NRG1: variants seen among roughly 807,000 people sequenced by gnomAD.
The protein encoded by NRG1 is neuregulin 1, also known as pro-neuregulin-1, membrane-bound isoform.
In NRG1, 18 loss-of-function variants were observed where a neutral mutation model predicts 63.8. The observed-to-expected ratio is 0.28, with a 90% confidence interval of 0.19 to 0.42. The LOEUF (loss-of-function observed/expected upper bound fraction) is 0.42. Ranked by LOEUF, NRG1 falls within the 10% of genes least tolerant of loss-of-function variation. The pLI is 1.00. For missense variants in NRG1, 762 were observed against 814.7 expected (o/e 0.94, Z 0.79); for synonymous variants, 302 against 301.3 (o/e 1.00, Z -0.02).
intron 1 of NRG1, among the ~76,000 whole-genome samples, chr8:32,042,863 A>G (rs1420010134): frequency 6.6e-6 from 1 of 152,072 alleles, no homozygotes; most frequent in African/African-American, 2.4e-5. Flanking sequence ...GAGAAACATG[A>G]TTTCAAAAAA....
intron 1 of NRG1, among the ~76,000 whole-genome samples, chr8:32,251,801 C>T (rs1481961758): frequency 1.3e-5 from 2 of 152,050 alleles, no homozygotes; most frequent in Admixed American, 6.6e-5. Context: ...CTCTAATGAC[C>T]AGTGATGATG....
rs879571900 is a variant in NRG1 at position 31,825,387 on chromosome 8, C to CA, written c.37+185970dup. ...TGGGTGACAGAGGGAGACTCCATCT[C>CA]AAAAAAAAAAAAAAGTATTTTATAC... is the stretch of plus-strand genomic sequence containing the variant. On this transcript the variant is annotated intron_variant, in intron 1 of 10. Coordinates refer to the NRG1 transcript ENST00000519301. 4.7e-3 allele frequency among the ~76,000 whole-genome samples: 525 copies of CA among 111,004 alleles called. 1 individual carries two copies. The highest frequency in any genetic ancestry group is 0.023 in the Middle Eastern group (5 of 214). The allele number at this position is 111,004 out of a possible 152,430, so 72.8% of individuals were successfully genotyped here.
intron 1 of NRG1, among the ~76,000 whole-genome samples, chr8:32,411,096 G>A (rs1250999834): frequency 1.3e-5 from 2 of 151,958 alleles, no homozygotes; most frequent in African/African-American, 2.4e-5. Flanking sequence ...GGATGGTCTC[G>A]ATCTGGTGAC....
intron 1 of NRG1, among the ~76,000 whole-genome samples, chr8:32,236,843 A>C (rs1158898060): frequency 2.0e-5 from 3 of 152,158 alleles, no homozygotes; most frequent in Non-Finnish European, 1.5e-5. Context: ...TGGCAGTCAG[A>C]TGCAGCCCTG....
intron 1 of NRG1, among the ~76,000 whole-genome samples, chr8:32,136,923 G>A (rs890674107): frequency 3.7e-4 from 56 of 152,150 alleles, no homozygotes; most frequent in African/African-American, 1.3e-3. Context: ...AAGCACAGAC[G>A]ATCAACAACA....
chr8:31,826,565 T>C (rs2129604543), intron 1 of NRG1, among the ~76,000 whole-genome samples: 1 of 152,334 alleles, frequency 6.6e-6, no homozygotes, highest in Admixed American at 6.5e-5. Context: ...TTACCAAGTC[T>C]TGGGTATGTC....
chr8:32,575,354 T>C (rs914775841), intron 1 of NRG1, among the ~76,000 whole-genome samples: 2 of 152,098 alleles, frequency 1.3e-5, no homozygotes, highest in Non-Finnish European at 2.9e-5. Context: ...GGTTGCTTTA[T>C]AGTTGACTAA....
At chr8:32,131,241 C>T (rs1834781554) in intron 1 of NRG1, among the ~76,000 whole-genome samples, 1 of 151,850 alleles carries the variant, frequency 6.6e-6, no homozygotes, top group South Asian at 2.1e-4. Flanking sequence ...TATGAAAATG[C>T]AGTTATGCTC....
At position 31,738,738 on chromosome 8, in the gene NRG1, A is replaced by G. The variant is rs186895350; in HGVS notation, c.37+99307A>G. Among the ~76,000 whole-genome samples the G allele has an allele frequency of 8.6e-5, 13 of 151,974 alleles. No homozygotes were observed. In the East Asian group the frequency reaches 1.2e-3, roughly 14 times the overall value. On this transcript the variant is annotated intron_variant, in intron 1 of 10. Coordinates refer to the NRG1 transcript ENST00000519301. ...CCCTGTTTTCTGGCCATGTCTGTCA[A>G]TCCTTGGTGTTTGCTGGCTTGTAGC...
At chr8:32,289,978 T>A (rs975239703) in intron 1 of NRG1, among the ~76,000 whole-genome samples, 2 of 152,200 alleles carry the variant, frequency 1.3e-5, no homozygotes, top group African/African-American at 4.8e-5. Flanking sequence ...CAGTGGCTCA[T>A]GCCTGTAATC....
rs540930804 is a variant in NRG1, at chr8:31,662,084, C to T, written c.37+22653C>T. On this transcript the variant is annotated intron_variant, in intron 1 of 10. Coordinates refer to the NRG1 transcript ENST00000519301. ...AGGGAGAAGAAGGAACAAGACAATACCTTACTAGAGCAAAATGACTTCCCA... is the reference window on the plus strand; with the variant it reads ...AGGGAGAAGAAGGAACAAGACAATATCTTACTAGAGCAAAATGACTTCCCA... 2.0e-4 allele frequency among the ~76,000 whole-genome samples: 31 copies of T among 152,276 alleles called. No individual in the cohort carries two copies. The South Asian group carries it at 4.8e-3, about 23-fold the overall frequency.
intron 1 of NRG1, among the ~76,000 whole-genome samples, chr8:32,412,845 A>T (rs1815305067): frequency 6.6e-6 from 1 of 152,192 alleles, no homozygotes; most frequent in Non-Finnish European, 1.5e-5. Flanking sequence ...GTCAGTAACC[A>T]AAATGTCATT....
At chr8:32,765,988 A>G (rs564875882) in exon 12 of NRG1, 1 of 152,318 alleles carries the variant, frequency 6.6e-6, no homozygotes. Context: ...CTGTGAAATC[A>G]GGGCTGGAGC....
chr8:32,664,801 C>A (rs1309515395), intron 5 of NRG1, among the ~76,000 whole-genome samples: 1 of 152,112 alleles, frequency 6.6e-6, no homozygotes, highest in Non-Finnish European at 1.5e-5. Flanking sequence ...AGTAATTTAG[C>A]GGTTGTTAGA....
intron 1 of NRG1, among the ~76,000 whole-genome samples, chr8:32,357,835 A>G (rs1806655549): frequency 6.6e-6 from 1 of 152,210 alleles, no homozygotes; most frequent in East Asian, 1.9e-4. Context: ...TGGGGGATTC[A>G]AACAATTAAA....
intron 1 of NRG1, among the ~76,000 whole-genome samples, chr8:31,686,437 A>G (rs528594750): frequency 6.6e-6 from 1 of 152,324 alleles, no homozygotes; most frequent in Admixed American, 6.5e-5. Context: ...AGACATTTAC[A>G]AATAAATTAT....
At chr8:31,845,434 CT>C (rs949747101) in intron 1 of NRG1, among the ~76,000 whole-genome samples, 3 of 152,022 alleles carry the variant, frequency 2.0e-5, no homozygotes, top group African/African-American at 4.8e-5. Context: ...TATTACAGTT[CT>C]TTTTTTCATG....
rs371538282 is a variant in NRG1 at position 31,838,503 on chromosome 8, A to G, written c.37+199072A>G. The stretch of plus-strand genomic sequence containing the variant: ...AATTTCTGTTGGTATTTTTAGTAGG[A>G]TCATATTAAAGTTCAAGATTGATTT... On this transcript the variant is annotated intron_variant, in intron 1 of 10. Transcript: ENST00000519301. Among the ~76,000 whole-genome samples the G allele has an allele frequency of 3.9e-5, 6 of 152,204 alleles. No homozygotes were observed. In the East Asian group the frequency reaches 1.2e-3, roughly 29 times the overall value.
intron 1 of NRG1, among the ~76,000 whole-genome samples, chr8:32,535,515 G>GA (rs1255061658): frequency 1.3e-5 from 2 of 151,978 alleles, no homozygotes; most frequent in African/African-American, 2.4e-5. Context: ...TCTAAAAATA[G>GA]AAAAAAAGCC....
Sources: gnomAD v4.1 joint callset for allele counts (sites outside exome capture counted in the v4.1 genomes callset) on GRCh38, gnomAD v4.1.1 for gene constraint, MANE v1.5 for transcripts, NCBI Gene and HGNC (gene_info 2026-07-23, HGNC 2026-07-21) for gene names.